Variants in TP53AIP1 observed in about 807,000 individuals in gnomAD.
The protein encoded by TP53AIP1 is tumor protein p53 regulated apoptosis inducing protein 1, also known as p53-regulated apoptosis-inducing protein 1.
Under a neutral mutation model 9.5 loss-of-function variants are expected in TP53AIP1, and 14 were observed. That is an observed-to-expected ratio of 1.47 (90% CI 0.97 to 2.30). The LOEUF is 2.30. TP53AIP1 is among the 30% of genes most tolerant of loss of function. TP53AIP1 has a pLI of 0.00. For synonymous variants in TP53AIP1, 73 were observed against 61.2 expected (o/e 1.19, Z -0.90); for missense variants, 153 against 146.7 (o/e 1.04, Z -0.22).
In TP53AIP1 at chr11:128,935,459, G is replaced by T; in HGVS notation, c.*132C>A. Reference sequence around the variant, plus strand: ...ACCCAACTGGCCCAGTGGTCAAGGGGGGAAATGAGGTGGCCGCTAGTCAGC... The same window carrying T: ...ACCCAACTGGCCCAGTGGTCAAGGGTGGAAATGAGGTGGCCGCTAGTCAGC... On this transcript the variant is annotated 3_prime_UTR_variant, in exon 4 of 4. Transcript: ENST00000531399. 7.0e-7 allele frequency: 1 copy of T among 1,433,744 alleles called. No homozygotes were observed. 88.8% of individuals were successfully genotyped at this position (1,433,744 alleles called of 1,614,324 possible).
chr11:128,936,877 A>G (rs1944834945), intron 2 of TP53AIP1: 1 of 1,342,868 alleles, frequency 7.4e-7, no homozygotes. Context: ...AAAGACAGAG[A>G]CAGCAAATCA....
In TP53AIP1 at chr11:128,942,783, C is replaced by T. The variant is rs192242390; in HGVS notation, c.-77+11G>A. 1.3e-5 allele frequency: 2 copies of T among 152,914 alleles called. No individual in the cohort carries two copies. The highest frequency in any genetic ancestry group is 4.8e-5 in the African/African-American group (2 of 41,620). The allele number at this position is 152,914 out of a possible 1,614,324, so 9.5% of individuals were successfully genotyped here. A position where few individuals can be genotyped will look rare whatever the true frequency, so the allele number is the denominator to read the frequency against. On this transcript the variant is annotated intron_variant, in intron 1 of 3. Coordinates refer to ENST00000531399, the MANE Select transcript of TP53AIP1 (RefSeq NM_022112.3). Reference sequence around the variant, plus strand: ...CACCAGCGCTGGTCCCCTCCCTCCCCCTCTCCTCACCTGCCTCCTAGGAGT... The same window carrying T: ...CACCAGCGCTGGTCCCCTCCCTCCCTCTCTCCTCACCTGCCTCCTAGGAGT...
Position 128,935,503 on chromosome 11 carries a change from C to G in TP53AIP1, c.*88G>C. On this transcript the variant is annotated 3_prime_UTR_variant, in exon 4 of 4. Transcript: ENST00000531399. ...AGTCAGCGCTGGAGCCATTTCTCGA[C>G]GGTGCTTTCTGTTTGTTTGTTTGTT... 2.1e-6 allele frequency: 3 copies of G among 1,437,284 alleles called. No homozygotes were observed. The East Asian group carries it at 7.9e-5, about 38-fold the overall frequency. 89.0% of individuals were successfully genotyped at this position (1,437,284 alleles called of 1,614,324 possible).
downstream of TP53AIP1, chr11:128,935,128 C>A: frequency 1.4e-6 from 1 of 723,104 alleles, no homozygotes; most frequent in South Asian, 1.5e-5. Flanking sequence ...TCCACTGCAG[C>A]TGGGGGACAC....
Position 128,935,712 on chromosome 11 carries a change from C to T in TP53AIP1, c.254G>A (p.Gly85Asp). 13 of 1,567,506 alleles carry T rather than the reference C, an allele frequency of 8.3e-6. No individual in the cohort carries two copies. Among genetic ancestry groups the T allele is most frequent in the Non-Finnish European group, 1.1e-5 (13 of 1,164,826 alleles). ...AGGCCTGGAGAGACCTAGACCAAGG[C>T]CTCAGTAGGGAGGGAGAGAATTTAC... ...WSSATVWILT[G>D]LGLGLSRPFL... The change falls in exon 4 of 4, where the codon GGC (glycine) becomes GAC (aspartate). Residue 85 changes from glycine to aspartate, a missense_variant and splice_region_variant. Gly to Asp is a moderately conservative substitution (Grantham distance 94, BLOSUM62 -1). Coordinates refer to ENST00000531399, the MANE Select transcript of TP53AIP1 (RefSeq NM_022112.3).
intron 3 of TP53AIP1, chr11:128,935,918 AC>A (rs377590491): frequency 5.0e-4 from 642 of 1,285,588 alleles, no homozygotes; most frequent in East Asian, 7.0e-4. Context: ...AAATGGGCCA[AC>A]AAAAATGTAT....
chr11:128,936,269 C>A, intron 3 of TP53AIP1: 1 of 1,194,576 alleles, frequency 8.4e-7, no homozygotes. Context: ...TGGCCCATTC[C>A]AGAAAGTTCA....
chr11:128,938,547 G>A (rs1944879902), intron 1 of TP53AIP1, among the ~76,000 whole-genome samples: 1 of 152,162 alleles, frequency 6.6e-6, no homozygotes, highest in Admixed American at 6.5e-5. Context: ...ATAGTCCTGT[G>A]TCATCTGGGC....
At position 128,937,293 on chromosome 11, in the gene TP53AIP1, C is replaced by A; in HGVS notation, c.141+385G>T. On this transcript the variant is annotated intron_variant, in intron 2 of 3. Transcript: ENST00000531399. This position sits in a 1 kb window ranked among gnomAD's most constrained non-coding sequence, Gnocchi z 4.8. Reference sequence around the variant, plus strand: ...AGAAGAGCAGGCCCGGAGCCCTGCACCCCAGCCTTCCCTCCCCATGCGCTC... The same window carrying A: ...AGAAGAGCAGGCCCGGAGCCCTGCAACCCAGCCTTCCCTCCCCATGCGCTC... 2 of 1,356,334 alleles carry A rather than the reference C, an allele frequency of 1.5e-6. No individual in the cohort carries two copies. The highest frequency in any genetic ancestry group is 2.8e-5 in the East Asian group (1 of 36,350). 84.0% of individuals were successfully genotyped at this position (1,356,334 alleles called of 1,614,324 possible). A position where few individuals can be genotyped will look rare whatever the true frequency, so the allele number is the denominator to read the frequency against.
At chr11:128,940,741 A>T (rs1944924022) in intron 1 of TP53AIP1, among the ~76,000 whole-genome samples, 2 of 152,206 alleles carry the variant, frequency 1.3e-5, no homozygotes, top group Non-Finnish European at 2.9e-5. Flanking sequence ...AGTTTGCAAC[A>T]GTCCCCACCC....
Position 128,937,737 on chromosome 11 carries a change from C to T in TP53AIP1, c.82G>A (p.Asp28Asn), listed in dbSNP as rs1944858911. The T allele has an allele frequency of 1.9e-6, 3 of 1,614,002 alleles. No individual in the cohort carries two copies. The South Asian group carries it at 3.3e-5, about 18-fold the overall frequency. ...GARRQGLGRG[D>N]QNLSVMPPNG... ...GGAGGCATCACCGAGAGGTTCTGGT[C>T]TCCCCTGCCCAGGCCCTGCCTCCTG... Residue 28 changes from aspartate (D) to asparagine (N), a missense_variant, in exon 2 of 4, where the codon GAC (aspartate) becomes AAC (asparagine). Transcript: ENST00000531399. This position sits in a 1 kb window ranked among gnomAD's most constrained non-coding sequence, Gnocchi z 4.8.
chr11:128,935,336 G>T (rs118121221), downstream of TP53AIP1: 10,354 of 1,417,764 alleles, frequency 7.3e-3, 85 homozygotes, highest in South Asian at 0.028. Context: ...TTAGCAAGTG[G>T]ATATTATAGA....
intron 3 of TP53AIP1, chr11:128,935,952 A>T: frequency 8.3e-7 from 1 of 1,209,006 alleles, no homozygotes; most frequent in Non-Finnish European, 1.0e-6. Flanking sequence ...AAAATATGCT[A>T]ATGATAACAG....
intron 2 of TP53AIP1, 159 bp from the exon 3 acceptor site, chr11:128,936,808 A>G (rs1366203565): frequency 7.0e-6 from 10 of 1,430,060 alleles, no homozygotes; most frequent in Non-Finnish European, 7.3e-6. Flanking sequence ...TGGAAACCAA[A>G]CTGGGACAGG....
chr11:128,941,085 G>T (rs1176186545), intron 1 of TP53AIP1, among the ~76,000 whole-genome samples: 1 of 152,230 alleles, frequency 6.6e-6, no homozygotes, highest in Non-Finnish European at 1.5e-5. Flanking sequence ...AGCCAGGCTG[G>T]CATTAGCAAG....
chr11:128,941,128 C>T (rs1051967618), intron 1 of TP53AIP1, among the ~76,000 whole-genome samples: 8 of 152,172 alleles, frequency 5.3e-5, no homozygotes, highest in Admixed American at 2.6e-4. Flanking sequence ...CCAAGGGGGC[C>T]GTGTTCTCTG....
chr11:128,936,987 C>T (rs955107781), intron 2 of TP53AIP1: 20 of 1,091,048 alleles, frequency 1.8e-5, no homozygotes, highest in African/African-American at 3.3e-5. Flanking sequence ...TCAGACGCTG[C>T]GTGTGAGCTT....
Position 128,939,130 on chromosome 11 carries a change from C to A in TP53AIP1, c.-76-1236G>T, listed in dbSNP as rs1015540479. ...CAGAAGGCATTTACCCAATGCTGCA[C>A]GTTACGAAAATGTAAAAGAACGAAC... On this transcript the variant is annotated intron_variant, in intron 1 of 3. Transcript: ENST00000531399. The surrounding 1 kb of genome is among the most constrained non-coding windows in gnomAD (Gnocchi z 4.1). Among the ~76,000 whole-genome samples, 1 of 152,170 alleles carries A rather than the reference C, an allele frequency of 6.6e-6. No homozygotes were observed. The highest frequency in any genetic ancestry group is 1.9e-4 in the East Asian group (1 of 5,196).
In TP53AIP1 at chr11:128,937,481, G is replaced by T; in HGVS notation, c.141+197C>A. 6.4e-7 allele frequency: 1 copy of T among 1,562,972 alleles called. No individual in the cohort carries two copies. The highest frequency in any genetic ancestry group is 1.2e-5 in the South Asian group (1 of 83,710). ...GGCTGGCCTTCCTCTTGGGACTATT[G>T]ATCAGGGCTGTCAGTTCCCAGCTCT... On this transcript the variant is annotated intron_variant, in intron 2 of 3. Transcript: ENST00000531399. This position sits in a 1 kb window ranked among gnomAD's most constrained non-coding sequence, Gnocchi z 4.8.
Sources: gnomAD v4.1 joint callset for allele counts (sites outside exome capture counted in the v4.1 genomes callset) on GRCh38, gnomAD v4.1.1 for gene constraint, Gnocchi (gnomAD v3.1) non-coding constraint, MANE v1.5 for transcripts, NCBI Gene and HGNC (gene_info 2026-07-23, HGNC 2026-07-21) for gene names.